FMR1: variants seen among roughly 807,000 people sequenced by gnomAD.
The protein encoded by FMR1 is FMRP translational regulator 1.
In FMR1, 13 loss-of-function variants were observed where a neutral mutation model predicts 50.6. The observed-to-expected ratio is 0.26, with a 90% confidence interval of 0.17 to 0.41. The LOEUF (loss-of-function observed/expected upper bound fraction) is 0.41, where lower values mean the gene tolerates loss of function less well. FMR1 is among the 10% of genes least tolerant of loss of function. The pLI is 1.00. For missense variants in FMR1, 316 were observed against 491.3 expected, an observed-to-expected ratio of 0.64 and a Z score of 3.37; for synonymous variants, 138 against 164.1, an observed-to-expected ratio of 0.84 and a Z score of 1.22.
At position 147,948,969 on chromosome X, in the gene FMR1, T is replaced by C; in HGVS notation, c.*125T>C. ...GCACAGGGCATGAAATGAACACAAA[T>C]TATGCTAAGAATTTTTTATTTTTTG... On this transcript the variant is annotated 3_prime_UTR_variant, in exon 17 of 17. Transcript: ENST00000370475. 1 of 716,954 alleles carries C rather than the reference T, an allele frequency of 1.4e-6. No individual in the cohort carries two copies. The allele number at this position is 716,954 out of a possible 1,213,427, so 59.1% of individuals were successfully genotyped here. A position where few individuals can be genotyped will look rare whatever the true frequency, so the allele number is the denominator to read the frequency against.
intron 16 of FMR1, chrX:147,946,858 A>G (rs1557182086): frequency 8.9e-6 from 1 of 112,396 alleles, no homozygotes; most frequent in Non-Finnish European, 1.9e-5. Context: ...TAGCAGCTCA[A>G]AGTAAGTGTT....
At chrX:147,912,741 G>A (rs1206971095) in intron 1 of FMR1, 1 of 296,386 alleles carries the variant, frequency 3.4e-6, no homozygotes. Flanking sequence ...TGGGACTTCG[G>A]AGAGCTCCAC....
chrX:147,938,481 C>T (rs782792524), intron 12 of FMR1, among the ~76,000 whole-genome samples: 5 of 111,869 alleles, frequency 4.5e-5, no homozygotes, highest in African/African-American at 6.5e-5. Flanking sequence ...TACAGGTTTA[C>T]TCTGCCTGGA....
chrX:147,929,926 A>ATT, intron 5 of FMR1, 22 bp from the exon 6 acceptor site: 7 of 935,820 alleles, frequency 7.5e-6, no homozygotes, highest in Non-Finnish European at 1.0e-5. Flanking sequence ...ATTCATCTTA[A>ATT]TTTTTTTTTT....
rs2044300746 is a variant in FMR1 at position 147,950,945 on chromosome X, C to A, written c.*2101C>A. 3.6e-6 allele frequency: 1 copy of A among 274,458 alleles called. No homozygotes were observed. The highest frequency in any genetic ancestry group is 3.5e-5 in the South Asian group (1 of 28,794). 22.6% of individuals were successfully genotyped at this position (274,458 alleles called of 1,213,427 possible). A position where few individuals can be genotyped will look rare whatever the true frequency, so the allele number is the denominator to read the frequency against. On this transcript the variant is annotated 3_prime_UTR_variant, in exon 17 of 17. Coordinates refer to ENST00000370475, the MANE Select transcript of FMR1 (RefSeq NM_002024.6). Reference sequence around the variant, plus strand: ...TAACTTCTAAAACTGTACTTTGATTCACATGTTTTCAAATGGAGTTGGAGT... The same window carrying A: ...TAACTTCTAAAACTGTACTTTGATTAACATGTTTTCAAATGGAGTTGGAGT...
intron 9 of FMR1, 133 bp from the exon 10 acceptor site, chrX:147,936,371 A>G: frequency 2.1e-6 from 1 of 472,459 alleles, no homozygotes; most frequent in Non-Finnish European, 3.7e-6. Context: ...TGGTTTTGAA[A>G]TCTTACAATT....
Position 147,945,095 on chromosome X carries a change from TG to T in FMR1, c.1654+45del, listed in dbSNP as rs2044129699. On this transcript the variant is annotated intron_variant, in intron 15 of 16. Coordinates refer to ENST00000370475, the MANE Select transcript of FMR1 (RefSeq NM_002024.6). ...AGAAATCAAAGTGAATTGTAACAGCTGTCTTGAAGTTCCATGAGAAATCCTA... is the reference window on the plus strand; with the variant it reads ...AGAAATCAAAGTGAATTGTAACAGCTTCTTGAAGTTCCATGAGAAATCCTA... 1.2e-5 allele frequency: 14 copies of T among 1,164,108 alleles called. No individual in the cohort carries two copies. In the East Asian group the frequency reaches 4.5e-4, roughly 38 times the overall value.
chrX:147,922,817 A>T (rs1557176750), intron 2 of FMR1, among the ~76,000 whole-genome samples: 1 of 111,796 alleles, frequency 8.9e-6, no homozygotes, highest in South Asian at 3.7e-4. Flanking sequence ...GACAGAAAGT[A>T]GATTAGTGAT....
intron 13 of FMR1, among the ~76,000 whole-genome samples, chrX:147,941,911 C>T (rs1196801363): frequency 4.4e-5 from 5 of 112,700 alleles, no homozygotes; most frequent in African/African-American, 1.6e-4. Context: ...TTGGGCCTGG[C>T]ATCTCTCACC....
intron 1 of FMR1, among the ~76,000 whole-genome samples, chrX:147,919,900 T>G (rs373183831): frequency 9.9e-4 from 111 of 112,651 alleles, no homozygotes; most frequent in Non-Finnish European, 1.8e-3. Flanking sequence ...AATAATCTTT[T>G]TATATCATAG....
intron 16 of FMR1, chrX:147,947,695 G>A (rs1485753251): frequency 9.3e-6 from 1 of 107,312 alleles, no homozygotes; most frequent in Non-Finnish European, 1.9e-5. Context: ...GGGCGACAGA[G>A]CGAGACTGTC....
intron 10 of FMR1, among the ~76,000 whole-genome samples, chrX:147,937,238 G>A (rs782803443): frequency 8.9e-6 from 1 of 111,798 alleles, no homozygotes; most frequent in South Asian, 3.7e-4. Flanking sequence ...TCTCATCAAA[G>A]AGCCGTAATT....
At chrX:147,930,078 C>A (rs781903736) in intron 6 of FMR1, 37 bp downstream of exon 6, 1 of 1,139,817 alleles carries the variant, frequency 8.8e-7, no homozygotes, top group Non-Finnish European at 1.2e-6. Context: ...TAGTTTAATT[C>A]ATCTGGGGCA....
intron 16 of FMR1, chrX:147,947,280 C>G (rs1462057052): frequency 1.9e-5 from 2 of 108,094 alleles, no homozygotes; most frequent in Admixed American, 9.9e-5. Flanking sequence ...GACGTGTTGG[C>G]GGGCACCTGT....
chrX:147,927,906 A>G (rs1447155391), intron 3 of FMR1: 1 of 123,683 alleles, frequency 8.1e-6, no homozygotes, highest in East Asian at 2.5e-4. Context: ...ACCAAGCAAC[A>G]AGACAGTAGG....
chrX:147,945,168 C>G (rs2044132681), intron 15 of FMR1, 117 bp downstream of exon 15: 1 of 1,055,287 alleles, frequency 9.5e-7, no homozygotes, highest in South Asian at 2.0e-5. Context: ...CCGTTTTGTG[C>G]TGATACCATA....
At chrX:147,939,459 T>A (rs2043904967) in intron 12 of FMR1, among the ~76,000 whole-genome samples, 1 of 112,191 alleles carries the variant, frequency 8.9e-6, no homozygotes, top group African/African-American at 3.2e-5. Context: ...TCAATGTACC[T>A]ATTTTTTTGT....
At chrX:147,923,404 A>AT (rs1448419881) in intron 2 of FMR1, among the ~76,000 whole-genome samples, 1 of 111,712 alleles carries the variant, frequency 9.0e-6, no homozygotes, top group Non-Finnish European at 1.9e-5. Context: ...CTTGGAGGGT[A>AT]TTTTTTTCTT....
At chrX:147,947,810 C>G (rs782818658) in intron 16 of FMR1, among the ~76,000 whole-genome samples, 1 of 111,506 alleles carries the variant, frequency 9.0e-6, no homozygotes, top group Non-Finnish European at 1.9e-5. Context: ...TTTGAAATTA[C>G]AACCATTTGG....
Sources: gnomAD v4.1 joint callset for allele counts (sites outside exome capture counted in the v4.1 genomes callset) on GRCh38, gnomAD v4.1.1 for gene constraint, MANE v1.5 for transcripts, NCBI Gene and HGNC (gene_info 2026-07-23, HGNC 2026-07-21) for gene names.